Variants in SPIDR observed in about 807,000 individuals in gnomAD.
SPIDR encodes the protein scaffold protein involved in DNA repair.
In SPIDR, 93 loss-of-function variants were observed where a neutral mutation model predicts 104.6. The ratio of observed to expected loss-of-function variants is 0.89; its 90% confidence interval spans 0.75 to 1.06. The LOEUF (loss-of-function observed/expected upper bound fraction) is 1.06, where lower values mean the gene tolerates loss of function less well. SPIDR is among the 50% of genes least tolerant of loss of function. The pLI is 0.00. For synonymous variants in SPIDR, 431 were observed against 416.9 expected (o/e 1.03, Z -0.41); for missense variants, 1,154 against 1,111.2 (o/e 1.04, Z -0.55).
At chr8:47,449,305 C>T (rs1554704186) in intron 8 of SPIDR, among the ~76,000 whole-genome samples, 1 of 151,942 alleles carries the variant, frequency 6.6e-6, no homozygotes, top group Non-Finnish European at 1.5e-5. Flanking sequence ...GGGGCCCAGT[C>T]AATGGTAGTT....
chr8:47,376,768 C>T (rs530403660), intron 5 of SPIDR, among the ~76,000 whole-genome samples: 37 of 152,116 alleles, frequency 2.4e-4, no homozygotes, highest in African/African-American at 7.9e-4. Flanking sequence ...TGAGGAAAAA[C>T]ATCTTGAGAT....
At chr8:47,282,991 G>A (rs1462160279) in intron 2 of SPIDR, among the ~76,000 whole-genome samples, 1 of 152,084 alleles carries the variant, frequency 6.6e-6, no homozygotes, top group African/African-American at 2.4e-5. Flanking sequence ...GAGTAGCTGG[G>A]ATTACAGGTG....
chr8:47,530,394 A>C (rs927184646), intron 8 of SPIDR, among the ~76,000 whole-genome samples: 3 of 152,150 alleles, frequency 2.0e-5, no homozygotes, highest in Non-Finnish European at 4.4e-5. Flanking sequence ...CAGTGAGCTG[A>C]GATCGGGCCT....
At chr8:47,551,629 T>A (rs1049074553) in intron 8 of SPIDR, among the ~76,000 whole-genome samples, 1 of 152,186 alleles carries the variant, frequency 6.6e-6, no homozygotes, top group African/African-American at 2.4e-5. Context: ...CTTTTTATTA[T>A]TTTTTATTAC....
chr8:47,735,316 G>A lies in SPIDR; in HGVS notation c.2614G>A (p.Val872Met). 1 of 1,614,228 alleles carries A rather than the reference G, an allele frequency of 6.2e-7. No individual in the cohort carries two copies. Among genetic ancestry groups the A allele is most frequent in the Non-Finnish European group, 8.5e-7 (1 of 1,180,050 alleles). Reference sequence around the variant, plus strand: ...CCTTTTATCACTGCAGAGCTACGAAGTGAAGAGTGTCCTCGGAAAGGAAGT... The same window carrying A: ...CCTTTTATCACTGCAGAGCTACGAAATGAAGAGTGTCCTCGGAAAGGAAGT... ...FAAGEDGSYEVKSVLGKEVGL... is the reference protein window; with the variant it reads ...FAAGEDGSYEMKSVLGKEVGL... Residue 872 changes from valine (V) to methionine (M), a missense_variant, in exon 20 of 20, where the codon GTG (valine) becomes ATG (methionine). Physicochemically the swap from Val to Met is conservative, Grantham distance 21. Transcript: ENST00000297423.
At chr8:47,662,346 G>A (rs367593402) in intron 10 of SPIDR, among the ~76,000 whole-genome samples, 6 of 152,292 alleles carry the variant, frequency 3.9e-5, no homozygotes, top group East Asian at 3.9e-4. Context: ...AGTTTCTCAA[G>A]ATAACTAGAA....
intron 6 of SPIDR, among the ~76,000 whole-genome samples, chr8:47,404,984 A>C (rs1406592282): frequency 6.6e-6 from 1 of 152,178 alleles, no homozygotes; most frequent in Non-Finnish European, 1.5e-5. Context: ...GTGGATTAAG[A>C]AAATATGGCA....
In SPIDR at chr8:47,722,782, CT is replaced by C. The variant is rs377517120; in HGVS notation, c.2342-4407del. 1.5e-3 allele frequency among the ~76,000 whole-genome samples: 225 copies of C among 146,650 alleles called. 1 individual carries two copies. The highest frequency in any genetic ancestry group is 2.8e-3 in the East Asian group (14 of 5,072). On this transcript the variant is annotated intron_variant, in intron 16 of 19. Transcript: ENST00000297423. ...TGGATTTTTTATTGGTTTTTTCATCCTTTTTTTTTTTCTTGAGATGGGGTCT... is the reference window on the plus strand; with the variant it reads ...TGGATTTTTTATTGGTTTTTTCATCCTTTTTTTTTTCTTGAGATGGGGTCT...
At chr8:47,606,792 C>T (rs918808269) in intron 10 of SPIDR, among the ~76,000 whole-genome samples, 3 of 152,214 alleles carry the variant, frequency 2.0e-5, no homozygotes, top group Admixed American at 2.0e-4. Context: ...GAATACAGCT[C>T]TTCTCCCTGG....
intron 11 of SPIDR, among the ~76,000 whole-genome samples, chr8:47,685,365 T>C (rs912434463): frequency 6.6e-6 from 1 of 151,940 alleles, no homozygotes; most frequent in African/African-American, 2.4e-5. Flanking sequence ...CAGGGTTTTG[T>C]TTTATTCTTT....
At chr8:47,617,748 T>C (rs1028252025) in intron 10 of SPIDR, among the ~76,000 whole-genome samples, 1 of 152,226 alleles carries the variant, frequency 6.6e-6, no homozygotes, top group African/African-American at 2.4e-5. Flanking sequence ...AAAATATCTG[T>C]ATGAATAAAA....
chr8:47,386,936 TATAG>T (rs2060013895), intron 5 of SPIDR, among the ~76,000 whole-genome samples: 1 of 150,128 alleles, frequency 6.7e-6, no homozygotes, highest in African/African-American at 2.5e-5. Flanking sequence ...TAGATATAGA[TATAG>T]ATATAGATAT....
chr8:47,327,961 G>A (rs1040841557), intron 5 of SPIDR, among the ~76,000 whole-genome samples: 6 of 149,976 alleles, frequency 4.0e-5, no homozygotes, highest in Admixed American at 4.0e-4. Context: ...GCCTTCGAAA[G>A]TGCTGGGATT....
At chr8:47,465,176 A>G (rs1554716223) in intron 8 of SPIDR, among the ~76,000 whole-genome samples, 1 of 152,206 alleles carries the variant, frequency 6.6e-6, no homozygotes, top group Non-Finnish European at 1.5e-5. Flanking sequence ...TGCTGAGGGA[A>G]TTTGTTACTA....
intron 5 of SPIDR, 71 bp downstream of exon 5, chr8:47,294,101 T>TTG: frequency 6.5e-7 from 1 of 1,537,384 alleles, no homozygotes; most frequent in East Asian, 2.3e-5. Context: ...CATTTTTTTT[T>TTG]TTGTTTTTTT....
intron 8 of SPIDR, among the ~76,000 whole-genome samples, chr8:47,518,491 A>G (rs1465347814): frequency 6.6e-6 from 1 of 152,164 alleles, no homozygotes; most frequent in Non-Finnish European, 1.5e-5. Context: ...AAGAAATGTT[A>G]TGGTGGTCCC....
At chr8:47,614,658 A>G (rs1026253159) in intron 10 of SPIDR, among the ~76,000 whole-genome samples, 11 of 152,218 alleles carry the variant, frequency 7.2e-5, no homozygotes, top group African/African-American at 2.7e-4. Flanking sequence ...GAACATATGC[A>G]TGCATGTATC....
chr8:47,558,586 G>A (rs1368019217), intron 8 of SPIDR, among the ~76,000 whole-genome samples: 1 of 152,016 alleles, frequency 6.6e-6, no homozygotes, highest in African/African-American at 2.4e-5. Flanking sequence ...CAGCATTTGT[G>A]AATGGTGATT....
intron 7 of SPIDR, among the ~76,000 whole-genome samples, chr8:47,416,117 G>A (rs537271594): frequency 8.5e-5 from 13 of 152,264 alleles, no homozygotes; most frequent in African/African-American, 2.2e-4. Context: ...GGTGGCAGGC[G>A]CCTGTAATCT....
Sources: allele counts gnomAD v4.1 joint callset (sites outside exome capture counted in the v4.1 genomes callset), GRCh38; gene constraint gnomAD v4.1.1; transcripts MANE v1.5; gene names NCBI Gene and HGNC (gene_info 2026-07-23, HGNC 2026-07-21).